BNIP1: variants seen among roughly 807,000 people sequenced by gnomAD.
BNIP1 encodes BCL2 interacting protein 1, also known as vesicle transport protein SEC20.
In BNIP1, 25 loss-of-function variants were observed where a neutral mutation model predicts 28.5. The observed-to-expected ratio is 0.88, with a 90% confidence interval of 0.64 to 1.23. The LOEUF (loss-of-function observed/expected upper bound fraction) is 1.23, where lower values mean the gene tolerates loss of function less well. Among genes scored for constraint, BNIP1 ranks in the 50% most tolerant of loss-of-function variants. The probability of loss-of-function intolerance (pLI) is 0.00; values close to 1 mark genes in which losing one functional copy is unlikely to be tolerated. For synonymous variants in BNIP1, 118 were observed against 101.7 expected (o/e 1.16, Z -0.96); for missense variants, 276 against 277.0 (o/e 1.00, Z 0.02).
At chr5:173,154,487 G>C (rs1472399612) in intron 3 of BNIP1, 74 bp downstream of exon 3, 3 of 1,207,326 alleles carry the variant, frequency 2.5e-6, no homozygotes, top group East Asian at 2.5e-5. Context: ...ACGTGTGTTT[G>C]CCTGATGGAT....
Position 173,144,971 on chromosome 5 carries a change from C to T in BNIP1, c.84+342C>T, listed in dbSNP as rs187524267. The T allele has an allele frequency of 9.2e-5, 20 of 216,710 alleles. No homozygotes were observed. The East Asian group carries it at 2.2e-3, about 24-fold the overall frequency. The allele number at this position is 216,710 out of a possible 1,614,324, so 13.4% of individuals were successfully genotyped here. On this transcript the variant is annotated intron_variant, in intron 1 of 5. Transcript: ENST00000351486. ...ACCTCACAACCTACCTGTCACCCTGCTTGGCCCCGCCCTCTGACGCTGCTT... is the reference window on the plus strand; with the variant it reads ...ACCTCACAACCTACCTGTCACCCTGTTTGGCCCCGCCCTCTGACGCTGCTT...
chr5:173,154,955 C>T (rs1416199133), intron 3 of BNIP1, among the ~76,000 whole-genome samples: 1 of 152,076 alleles, frequency 6.6e-6, no homozygotes, highest in Admixed American at 6.5e-5. Flanking sequence ...GCATATTTAA[C>T]ATTATACTGT....
rs528253874 is a variant in BNIP1 at position 173,147,596 on chromosome 5, T to A, written c.177+638T>A. ...TCCATCACACTCCTGGGTTTTTTTTTATGCTGTTACTTTGCTCAGCATCTT... is the reference window on the plus strand; with the variant it reads ...TCCATCACACTCCTGGGTTTTTTTTAATGCTGTTACTTTGCTCAGCATCTT... On this transcript the variant is annotated intron_variant, in intron 2 of 5. Transcript: ENST00000351486. Among the ~76,000 whole-genome samples, 152 of 151,840 alleles carry A rather than the reference T, an allele frequency of 1.0e-3. 2 individuals carry two copies. In the South Asian group the frequency reaches 0.015, roughly 15 times the overall value.
At chr5:173,145,006 C>G in intron 1 of BNIP1, 1 of 180,072 alleles carries the variant, frequency 5.6e-6, no homozygotes, top group South Asian at 1.2e-4. Context: ...TCAGCATCCT[C>G]TGGTAGCGTC....
chr5:173,158,688 A>G (rs1760276272), intron 3 of BNIP1, 56 bp from the exon 4 acceptor site: 4 of 1,432,294 alleles, frequency 2.8e-6, no homozygotes, highest in Non-Finnish European at 3.9e-6. Context: ...TGTGAATTGA[A>G]CTGACTTATG....
chr5:173,152,969 T>C (rs1476864092), intron 2 of BNIP1, among the ~76,000 whole-genome samples: 1 of 152,302 alleles, frequency 6.6e-6, no homozygotes, highest in Non-Finnish European at 1.5e-5. Flanking sequence ...AAAATGTGAT[T>C]GGTATAATGC....
At chr5:173,158,089 C>A (rs1760255634) in intron 3 of BNIP1, among the ~76,000 whole-genome samples, 1 of 151,622 alleles carries the variant, frequency 6.6e-6, no homozygotes, top group Non-Finnish European at 1.5e-5. Context: ...ACCACCATGC[C>A]TGGCTAATTT....
intron 2 of BNIP1, among the ~76,000 whole-genome samples, chr5:173,149,872 C>T (rs1234683807): frequency 2.0e-5 from 3 of 152,190 alleles, no homozygotes; most frequent in Admixed American, 2.0e-4. Context: ...ATCCAAACAC[C>T]TCCCACCAGG....
At chr5:173,151,761 A>G (rs1760029747) in intron 2 of BNIP1, 3 of 1,601,582 alleles carry the variant, frequency 1.9e-6, no homozygotes. Flanking sequence ...TTCACTCATT[A>G]AAATGACCTC....
Position 173,151,701 on chromosome 5 carries a change from A to G in BNIP1, c.178-2621A>G, listed in dbSNP as rs771069178. ...TACACCTGTTACCTTCAGTGTGAGT[A>G]TTTGTATGTTCTTTTTAAACATCTG... On this transcript the variant is annotated intron_variant, in intron 2 of 5. Transcript: ENST00000351486. The G allele has an allele frequency of 3.1e-6, 5 of 1,612,664 alleles. No individual in the cohort carries two copies. The African/African-American group carries it at 6.7e-5, about 22-fold the overall frequency.
intron 2 of BNIP1, among the ~76,000 whole-genome samples, chr5:173,150,127 C>G (rs143946451): frequency 1.4e-3 from 212 of 152,058 alleles, no homozygotes; most frequent in African/African-American, 4.9e-3. Flanking sequence ...GTATGGTGAC[C>G]CGTGCCTGTA....
At chr5:173,152,664 C>A (rs58408404) in intron 2 of BNIP1, among the ~76,000 whole-genome samples, 3 of 152,102 alleles carry the variant, frequency 2.0e-5, no homozygotes, top group Non-Finnish European at 2.9e-5. Flanking sequence ...AATTTACATT[C>A]TAATAGGGAA....
chr5:173,146,019 T>TA (rs1759826129), intron 1 of BNIP1, among the ~76,000 whole-genome samples: 1 of 152,254 alleles, frequency 6.6e-6, no homozygotes, highest in African/African-American at 2.4e-5. Flanking sequence ...CAAATGAAAT[T>TA]ACATTTTCAC....
intron 2 of BNIP1, among the ~76,000 whole-genome samples, chr5:173,149,778 G>A (rs1029006601): frequency 2.1e-4 from 32 of 152,180 alleles, no homozygotes; most frequent in African/African-American, 7.2e-4. Context: ...CATGACAAAA[G>A]CAGGAGCAAG....
At chr5:173,146,255 A>G (rs1759832292) in intron 1 of BNIP1, among the ~76,000 whole-genome samples, 1 of 152,368 alleles carries the variant, frequency 6.6e-6, no homozygotes, top group East Asian at 1.9e-4. Context: ...TTTCCAGGTA[A>G]CTTTACACAG....
intron 5 of BNIP1, 151 bp downstream of exon 5, chr5:173,160,202 G>T: frequency 1.5e-6 from 1 of 676,610 alleles, no homozygotes. Flanking sequence ...TTGACACCAT[G>T]GTCTTATCCA....
intron 5 of BNIP1, among the ~76,000 whole-genome samples, 178 bp from the exon 6 acceptor site, chr5:173,163,547 G>C (rs917142515): frequency 1.3e-5 from 2 of 152,194 alleles, no homozygotes; most frequent in Non-Finnish European, 2.9e-5. Context: ...GAGCTGATGG[G>C]ACCTGGGGAG....
At chr5:173,159,790 C>T in intron 4 of BNIP1, 143 bp from the exon 5 acceptor site, 2 of 758,080 alleles carry the variant, frequency 2.6e-6, no homozygotes, top group Non-Finnish European at 4.5e-6. Flanking sequence ...TCTCAGCACA[C>T]CCTTTCCAGC....
intron 3 of BNIP1, among the ~76,000 whole-genome samples, chr5:173,155,738 T>C (rs781044108): frequency 2.6e-5 from 4 of 151,970 alleles, no homozygotes; most frequent in Non-Finnish European, 5.9e-5. Context: ...TTAAAAAATT[T>C]TGGAAATGAG....
Sources: allele counts gnomAD v4.1 joint callset (sites outside exome capture counted in the v4.1 genomes callset), GRCh38; gene constraint gnomAD v4.1.1; transcripts MANE v1.5; gene names NCBI Gene and HGNC (gene_info 2026-07-23, HGNC 2026-07-21).